Variants in LOXHD1 observed in about 807,000 individuals in gnomAD.
LOXHD1 encodes the protein lipoxygenase homology PLAT domains 1, also known as lipoxygenase homology domain-containing protein 1.
A neutral mutation model predicts 248.2 loss-of-function variants in LOXHD1; 205 were observed. The ratio of observed to expected loss-of-function variants is 0.83; its 90% confidence interval spans 0.74 to 0.93. The LOEUF (loss-of-function observed/expected upper bound fraction) is 0.93, where lower values mean the gene tolerates loss of function less well. LOXHD1 is among the 40% of genes least tolerant of loss of function. The pLI is 0.00. For missense variants in LOXHD1, 2,930 were observed against 2,971.6 expected, an observed-to-expected ratio of 0.99 and a Z score of 0.33; for synonymous variants, 1,113 against 1,162.8, an observed-to-expected ratio of 0.96 and a Z score of 0.87.
At chr18:46,597,619 T>C (rs1173575439) in intron 8 of LOXHD1, among the ~76,000 whole-genome samples, 1 of 151,662 alleles carries the variant, frequency 6.6e-6, no homozygotes, top group African/African-American at 2.4e-5. Context: ...CAACCAAACA[T>C]TTGGGAAACA....
intron 12 of LOXHD1, among the ~76,000 whole-genome samples, chr18:46,588,650 A>T (rs955102139): frequency 6.6e-6 from 1 of 152,134 alleles, no homozygotes; most frequent in Non-Finnish European, 1.5e-5. Flanking sequence ...AGCTTATCTC[A>T]CCACTGTGTT....
chr18:46,522,541 C>T (rs2035630544), intron 31 of LOXHD1, among the ~76,000 whole-genome samples: 1 of 152,180 alleles, frequency 6.6e-6, no homozygotes, highest in African/African-American at 2.4e-5. Flanking sequence ...GCATTCTTGT[C>T]ATTTGTTTGG....
intron 37 of LOXHD1, among the ~76,000 whole-genome samples, chr18:46,503,251 C>T (rs2034347700): frequency 6.6e-6 from 1 of 152,170 alleles, no homozygotes. Flanking sequence ...ATTTCCTAAA[C>T]AACGGTTTAG....
intron 4 of LOXHD1, among the ~76,000 whole-genome samples, chr18:46,619,048 A>C (rs1406024702): frequency 6.6e-6 from 1 of 152,180 alleles, no homozygotes; most frequent in Non-Finnish European, 1.5e-5. Flanking sequence ...AGGTCTCCCC[A>C]GCTGGAGCCT....
intron 28 of LOXHD1, among the ~76,000 whole-genome samples, chr18:46,532,012 T>C (rs151275290): frequency 3.9e-5 from 6 of 152,326 alleles, no homozygotes; most frequent in Non-Finnish European, 7.4e-5. Context: ...AAAAGGAAGA[T>C]GGTGTTTGTC....
At chr18:46,621,662 C>G (rs2038670340) in intron 4 of LOXHD1, among the ~76,000 whole-genome samples, 1 of 151,982 alleles carries the variant, frequency 6.6e-6, no homozygotes, top group African/African-American at 2.4e-5. Context: ...TCTGTGAGAA[C>G]AAAACGCCCA....
At chr18:46,572,284 T>G in intron 14 of LOXHD1, 122 bp from the exon 15 acceptor site, 1 of 858,472 alleles carries the variant, frequency 1.2e-6, no homozygotes, top group Non-Finnish European at 1.9e-6. Flanking sequence ...AGTGAAATGA[T>G]TCTATGGGAG....
intron 2 of LOXHD1, among the ~76,000 whole-genome samples, chr18:46,644,699 G>A (rs1599072805): frequency 6.6e-6 from 1 of 152,022 alleles, no homozygotes; most frequent in Admixed American, 6.6e-5. Context: ...TCCAGCCTGG[G>A]TGACAGAGTG....
chr18:46,542,649 A>G (rs1233454079), intron 24 of LOXHD1, 78 bp downstream of exon 24: 10 of 1,516,488 alleles, frequency 6.6e-6, no homozygotes, highest in Non-Finnish European at 8.0e-6. Context: ...AATTTCCAGA[A>G]TCTTTCCCAG....
rs2033279063 is a variant in LOXHD1 at position 46,489,088 on chromosome 18, T to C, written c.5933A>G (p.Asp1978Gly). 6.4e-7 allele frequency: 1 copy of C among 1,551,540 alleles called. No homozygotes were observed. Among genetic ancestry groups the C allele is most frequent in the Non-Finnish European group, 8.7e-7 (1 of 1,147,012 alleles). ...GTCACACTGGAAGTGGAAGGTCTCGTCGCGGGAGTTGTCCTTCACATCGAC... is the reference window on the plus strand; with the variant it reads ...GTCACACTGGAAGTGGAAGGTCTCGCCGCGGGAGTTGTCCTTCACATCGAC... ...SYVDVKDNSR[D>G]ETFHFQCDCW... Residue 1978 changes from aspartate to glycine, a missense_variant, in exon 38 of 41, where the codon GAC becomes GGC. By Grantham distance (94) the Asp-to-Gly change is moderately conservative. Transcript: ENST00000642948.
chr18:46,547,062 T>G lies in LOXHD1; in HGVS notation c.3351-4A>C, dbSNP rs1568169278. 6.4e-7 allele frequency: 1 copy of G among 1,551,458 alleles called. No individual in the cohort carries two copies. Among genetic ancestry groups the G allele is most frequent in the Non-Finnish European group, 8.7e-7 (1 of 1,146,938 alleles). ...ACGTTGGCATGGAAAGTAGTACCTG[T>G]GGGGGTGGATAGGGAAAGATTGGAA... is the stretch of plus-strand genomic sequence containing the variant. On this transcript the variant is annotated splice_polypyrimidine_tract_variant and splice_region_variant and intron_variant, in intron 21 of 40. Transcript: ENST00000642948.
Position 46,572,403 on chromosome 18 carries a change from G to A in LOXHD1, c.1971-241C>T, listed in dbSNP as rs144125898. Reference sequence around the variant, plus strand: ...AGGGAACTCCTTGGGGAATGGGTAGGATGATGTCACATGGTCTTGGGAAGG... The same window carrying A: ...AGGGAACTCCTTGGGGAATGGGTAGAATGATGTCACATGGTCTTGGGAAGG... On this transcript the variant is annotated intron_variant, in intron 14 of 40. Coordinates refer to ENST00000642948, the MANE Select transcript of LOXHD1 (RefSeq NM_001384474.1). Among the ~76,000 whole-genome samples, 35 of 152,302 alleles carry A rather than the reference G, an allele frequency of 2.3e-4. 1 individual carries two copies. The East Asian group carries it at 6.6e-3, about 29-fold the overall frequency.
At chr18:46,573,040 A>AAAG (rs1189238401) in intron 14 of LOXHD1, among the ~76,000 whole-genome samples, 2 of 151,048 alleles carry the variant, frequency 1.3e-5, no homozygotes, top group African/African-American at 4.9e-5. Flanking sequence ...AAAAAAAAAA[A>AAAG]AAAAAAGACA....
At chr18:46,494,845 C>CT (rs1262291195) in intron 37 of LOXHD1, among the ~76,000 whole-genome samples, 10 of 124,926 alleles carry the variant, frequency 8.0e-5, no homozygotes, top group African/African-American at 2.5e-4. Flanking sequence ...CTTTTTCTCT[C>CT]TCTCTTTTTT....
At chr18:46,516,691 A>G (rs913863285) in intron 34 of LOXHD1, among the ~76,000 whole-genome samples, 2 of 151,874 alleles carry the variant, frequency 1.3e-5, no homozygotes, top group African/African-American at 4.8e-5. Context: ...CCCTACCATC[A>G]TCACCTTCAT....
chr18:46,481,751 C>T (rs901945143), intron 40 of LOXHD1, among the ~76,000 whole-genome samples: 15 of 152,182 alleles, frequency 9.9e-5, no homozygotes, highest in Admixed American at 5.9e-4. Context: ...CAATTAAGAG[C>T]GGCTTTTTCT....
chr18:46,508,833 G>A (rs1173956817), intron 35 of LOXHD1, among the ~76,000 whole-genome samples: 1 of 152,074 alleles, frequency 6.6e-6, no homozygotes, highest in Non-Finnish European at 1.5e-5. Context: ...AAAGCCCTTG[G>A]ACTCCTAACA....
chr18:46,555,440 G>C (rs2037284718), intron 21 of LOXHD1: 1 of 235,862 alleles, frequency 4.2e-6, no homozygotes, highest in Admixed American at 4.8e-5. Context: ...CATGACAATG[G>C]GCTGTCTGTG....
chr18:46,481,461 T>C (rs887703556), intron 40 of LOXHD1, among the ~76,000 whole-genome samples: 1 of 152,122 alleles, frequency 6.6e-6, no homozygotes, highest in African/African-American at 2.4e-5. Context: ...TTCAGAGAGC[T>C]CCTAGGCTGA....
Sources: allele counts gnomAD v4.1 joint callset (sites outside exome capture counted in the v4.1 genomes callset), GRCh38; gene constraint gnomAD v4.1.1; transcripts MANE v1.5; gene names NCBI Gene and HGNC (gene_info 2026-07-23, HGNC 2026-07-21).